USH2A: variants seen among roughly 807,000 people sequenced by gnomAD.
USH2A encodes the protein usherin.
A neutral mutation model predicts 538.9 loss-of-function variants in USH2A; 443 were observed. The observed-to-expected ratio is 0.82, with a 90% CI of 0.76 to 0.89. USH2A has a LOEUF of 0.89. Among genes scored for constraint, USH2A ranks in the 40% least tolerant of loss-of-function variants. USH2A has a pLI of 0.00. For synonymous variants in USH2A, 2,413 were observed against 2,273.5 expected, an observed-to-expected ratio of 1.06 and a Z score of -1.75; for missense variants, 6,633 against 6,324.8, an observed-to-expected ratio of 1.05 and a Z score of -1.65.
intron 61 of USH2A, among the ~76,000 whole-genome samples, chr1:215,680,618 C>A (rs2102672207): frequency 6.6e-6 from 1 of 151,852 alleles, no homozygotes; most frequent in South Asian, 2.1e-4. Context: ...CAGATAGCAT[C>A]CTTGACTTTT....
intron 47 of USH2A, among the ~76,000 whole-genome samples, chr1:215,828,479 C>T (rs1663219459): frequency 6.6e-6 from 1 of 152,042 alleles, no homozygotes; most frequent in Non-Finnish European, 1.5e-5. Flanking sequence ...TATAGATATT[C>T]ATTAATAACG....
In USH2A at chr1:215,623,910, A is replaced by C. The variant is rs1015529064; in HGVS notation, c.*1871T>G. 1 of 152,168 alleles carries C rather than the reference A, an allele frequency of 6.6e-6. No homozygotes were observed. Among genetic ancestry groups the C allele is most frequent in the African/African-American group, 2.4e-5 (1 of 41,444 alleles). 9.4% of individuals were successfully genotyped at this position (152,168 alleles called of 1,614,324 possible). ...GTGACTAGCAAACTGTATTCTTAGAAGAGTCCACCAAGGATTAGGATGCAA... is the reference window on the plus strand; with the variant it reads ...GTGACTAGCAAACTGTATTCTTAGACGAGTCCACCAAGGATTAGGATGCAA... On this transcript the variant is annotated 3_prime_UTR_variant, in exon 72 of 72. Transcript: ENST00000307340.
chr1:215,978,182 A>C (rs1221130409), intron 35 of USH2A, among the ~76,000 whole-genome samples: 1 of 152,188 alleles, frequency 6.6e-6, no homozygotes, highest in African/African-American at 2.4e-5. Context: ...AATAGGGTAC[A>C]TGCTTTTATG....
At chr1:215,836,555 A>AT (rs1441830936) in intron 47 of USH2A, among the ~76,000 whole-genome samples, 1 of 18,464 alleles carries the variant, frequency 5.4e-5, no homozygotes. Flanking sequence ...ATATATATAT[A>AT]TATATATATA....
intron 16 of USH2A, among the ~76,000 whole-genome samples, chr1:216,200,333 TAAA>T (rs2034957033): frequency 6.6e-6 from 1 of 152,218 alleles, no homozygotes; most frequent in Non-Finnish European, 1.5e-5. Context: ...TCATTCATAA[TAAA>T]GAATGTTTAG....
chr1:216,175,076 C>A, intron 21 of USH2A, 176 bp downstream of exon 21: 1 of 1,439,828 alleles, frequency 6.9e-7, no homozygotes, highest in Non-Finnish European at 9.1e-7. Context: ...TGACTTTTTT[C>A]CCCAGAATTC....
Position 215,647,708 on chromosome 1 carries a change from C to T in USH2A, c.14605G>A (p.Ala4869Thr). Residue 4869 changes from alanine to threonine, a missense_variant, in exon 67 of 72, where the codon GCT (alanine) becomes ACT (threonine). Ala to Thr is a moderately conservative substitution (Grantham distance 58). Coordinates refer to ENST00000307340, the MANE Select transcript of USH2A (RefSeq NM_206933.4). ...GGGAGGGCTGAGTCAGGAGGGCAAGCCACGTGGAATTGGAGTTCATAGCTA... is the reference window on the plus strand; with the variant it reads ...GGGAGGGCTGAGTCAGGAGGGCAAGTCACGTGGAATTGGAGTTCATAGCTA... Reference protein sequence around the residue: ...IHSYELQFHVACPPDSALPCT... With the variant: ...IHSYELQFHVTCPPDSALPCT... 6.2e-7 allele frequency: 1 copy of T among 1,614,152 alleles called. No individual in the cohort carries two copies. The highest frequency in any genetic ancestry group is 8.5e-7 in the Non-Finnish European group (1 of 1,180,032).
Position 215,622,945 on chromosome 1 carries a change from A to ATAT in USH2A, c.*2833_*2835dup, listed in dbSNP as rs1655840462. The ATAT allele has an allele frequency of 2.6e-5, 4 of 152,188 alleles. No homozygotes were observed. In the South Asian group the frequency reaches 6.2e-4, roughly 24 times the overall value. The allele number at this position is 152,188 out of a possible 1,614,324, so 9.4% of individuals were successfully genotyped here. On this transcript the variant is annotated 3_prime_UTR_variant, in exon 72 of 72. Transcript: ENST00000307340. ...AACCATCTTTAGATTAGTTTACATG[A>ATAT]TATTTGTGCATTGGAAACCAACTAT...
chr1:215,768,306 T>C (rs1487497313), intron 55 of USH2A, among the ~76,000 whole-genome samples: 4 of 152,224 alleles, frequency 2.6e-5, no homozygotes, highest in Non-Finnish European at 5.9e-5. Flanking sequence ...TTTGCCTATC[T>C]GTATCCTTAG....
At chr1:216,349,509 G>A (rs768279220) in intron 4 of USH2A, among the ~76,000 whole-genome samples, 2 of 152,104 alleles carry the variant, frequency 1.3e-5, no homozygotes, top group Non-Finnish European at 2.9e-5. Context: ...AAAACAGATT[G>A]CAGTAAAGAA....
At chr1:215,807,437 G>A (rs1254792690) in intron 49 of USH2A, among the ~76,000 whole-genome samples, 4 of 152,058 alleles carry the variant, frequency 2.6e-5, no homozygotes, top group South Asian at 2.1e-4. Context: ...CATCTGTCAC[G>A]TTCTCCAGAT....
At chr1:215,976,348 T>C (rs143596576) in intron 35 of USH2A, among the ~76,000 whole-genome samples, 3 of 152,322 alleles carry the variant, frequency 2.0e-5, no homozygotes, top group Non-Finnish European at 2.9e-5. Context: ...CAGAACTATG[T>C]TGAGTAAGAG....
At chr1:216,016,610 C>G (rs927062056) in intron 32 of USH2A, among the ~76,000 whole-genome samples, 2 of 152,164 alleles carry the variant, frequency 1.3e-5, no homozygotes, top group Non-Finnish European at 2.9e-5. Context: ...TAATAAATTT[C>G]TCTTGTAAGC....
intron 35 of USH2A, among the ~76,000 whole-genome samples, chr1:215,992,597 G>A (rs951968058): frequency 6.6e-6 from 1 of 152,238 alleles, no homozygotes; most frequent in East Asian, 1.9e-4. Context: ...CCTCTTTTAA[G>A]ATAAACTTAT....
At chr1:215,789,380 C>A (rs1364122026) in intron 51 of USH2A, among the ~76,000 whole-genome samples, 1 of 152,044 alleles carries the variant, frequency 6.6e-6, no homozygotes, top group Non-Finnish European at 1.5e-5. Context: ...TTTTAGTGGT[C>A]TTATAATGAC....
rs369610052 is a variant in USH2A at position 216,211,616 on chromosome 1, A to C, written c.3158-4185T>G. ...AAATATTCAAACTAGATACATGCTC[A>C]TTGCCCTCCTTTTGTCTTTTTCTTC... is the stretch of plus-strand genomic sequence containing the variant. On this transcript the variant is annotated intron_variant, in intron 15 of 71. Transcript: ENST00000307340. Among the ~76,000 whole-genome samples, 15 of 152,326 alleles carry C rather than the reference A, an allele frequency of 9.8e-5. 1 individual carries two copies. Among genetic ancestry groups the C allele is most frequent in the Admixed American group, 3.9e-4 (6 of 15,298 alleles).
chr1:215,971,231 T>C (rs1667487956), intron 35 of USH2A, among the ~76,000 whole-genome samples: 1 of 152,286 alleles, frequency 6.6e-6, no homozygotes, highest in Non-Finnish European at 1.5e-5. Context: ...CATTGGCTTC[T>C]TTTTAACCCT....
At chr1:216,022,084 C>T in intron 32 of USH2A, among the ~76,000 whole-genome samples, 1 of 152,138 alleles carries the variant, frequency 6.6e-6, no homozygotes, top group East Asian at 1.9e-4. Flanking sequence ...CTCCCCTTCA[C>T]CTTCCACCAT....
intron 11 of USH2A, among the ~76,000 whole-genome samples, chr1:216,259,233 T>C (rs752115940): frequency 6.6e-6 from 1 of 152,054 alleles, no homozygotes; most frequent in Non-Finnish European, 1.5e-5. Flanking sequence ...GCTTAAGAAA[T>C]AGCATTATAA....
Sources: gnomAD v4.1 joint callset for allele counts (sites outside exome capture counted in the v4.1 genomes callset) on GRCh38, gnomAD v4.1.1 for gene constraint, MANE v1.5 for transcripts, NCBI Gene and HGNC (gene_info 2026-07-23, HGNC 2026-07-21) for gene names.